The following RPS6KA6 variants were observed in gnomAD, a reference collection of about 807,000 sequenced individuals.
RPS6KA6 encodes the protein ribosomal protein S6 kinase A6, also known as ribosomal protein S6 kinase alpha-6.
A neutral mutation model predicts 65.4 loss-of-function variants in RPS6KA6; 27 were observed. The ratio of observed to expected loss-of-function variants is 0.41; its 90% confidence interval spans 0.30 to 0.57. RPS6KA6 has a LOEUF of 0.57. Ranked by LOEUF, RPS6KA6 falls within the 20% of genes least tolerant of loss-of-function variation. The pLI, the probability that RPS6KA6 is intolerant of heterozygous loss-of-function variation, is 0.24. For missense variants in RPS6KA6, 486 were observed against 555.6 expected (o/e 0.87, Z 1.26); for synonymous variants, 190 against 184.2 (o/e 1.03, Z -0.26).
At chrX:84,134,946 C>T (rs909599058) in intron 7 of RPS6KA6, 127 bp from the exon 8 acceptor site, 14 of 601,479 alleles carry the variant, frequency 2.3e-5, no homozygotes, top group Non-Finnish European at 3.6e-5. Context: ...AAATGATTAA[C>T]TTAAAGTCAA....
At chrX:84,092,284 T>C (rs1355144461) in intron 20 of RPS6KA6, among the ~76,000 whole-genome samples, 1 of 110,812 alleles carries the variant, frequency 9.0e-6, no homozygotes, top group Non-Finnish European at 1.9e-5. Context: ...AGGTGCTACA[T>C]GAACAGGTGC....
At chrX:84,122,367 T>C (rs2034689738) in intron 8 of RPS6KA6, among the ~76,000 whole-genome samples, 3 of 86,639 alleles carry the variant, frequency 3.5e-5, no homozygotes, top group Non-Finnish European at 6.8e-5. Flanking sequence ...TTAAGTTTTT[T>C]TTTTTTTTTT....
chrX:84,151,693 A>G (rs904106319), intron 3 of RPS6KA6, among the ~76,000 whole-genome samples: 1 of 111,438 alleles, frequency 9.0e-6, no homozygotes, highest in Non-Finnish European at 1.9e-5. Context: ...TGTACTTCCT[A>G]TTTCATCGCA....
At chrX:84,081,777 A>C (rs1017760907) in intron 20 of RPS6KA6, among the ~76,000 whole-genome samples, 34 of 112,111 alleles carry the variant, frequency 3.0e-4, no homozygotes, top group African/African-American at 1.0e-3. Flanking sequence ...CCTGGGATGT[A>C]AGGTTGGTTC....
At chrX:84,125,747 G>T (rs1374765853) in intron 8 of RPS6KA6, among the ~76,000 whole-genome samples, 6 of 110,680 alleles carry the variant, frequency 5.4e-5, no homozygotes, top group Non-Finnish European at 1.1e-4. Context: ...CCAGCTACTT[G>T]GGAGGCTGAG....
At chrX:84,091,527 A>C (rs1336931281) in intron 20 of RPS6KA6, among the ~76,000 whole-genome samples, 2 of 112,312 alleles carry the variant, frequency 1.8e-5, no homozygotes, top group Non-Finnish European at 3.8e-5. Flanking sequence ...AGTAGAGGAA[A>C]AGTAGAAGAA....
chrX:84,186,043 C>T, intron 1 of RPS6KA6: 1 of 510,936 alleles, frequency 2.0e-6, no homozygotes, highest in Non-Finnish European at 3.5e-6. Flanking sequence ...GGCAGAAATA[C>T]TATCTTCACC....
chrX:84,082,958 A>G (rs1189515219), intron 20 of RPS6KA6, among the ~76,000 whole-genome samples: 1 of 112,538 alleles, frequency 8.9e-6, no homozygotes, highest in Non-Finnish European at 1.9e-5. Context: ...AAGATGGATT[A>G]AAGACTTAAA....
chrX:84,077,586 C>CAT (rs368771762), intron 20 of RPS6KA6, among the ~76,000 whole-genome samples: 35 of 110,607 alleles, frequency 3.2e-4, no homozygotes, highest in Non-Finnish European at 4.6e-4. Flanking sequence ...TATGTTGTAC[C>CAT]ATATATATAT....
chrX:84,147,907 A>G, intron 4 of RPS6KA6, 135 bp downstream of exon 4: 1 of 385,365 alleles, frequency 2.6e-6, no homozygotes, highest in Non-Finnish European at 4.5e-6. Flanking sequence ...AATATTACCT[A>G]CAGGTTAGAA....
intron 1 of RPS6KA6, among the ~76,000 whole-genome samples, chrX:84,176,660 G>A: frequency 9.4e-6 from 1 of 105,897 alleles, no homozygotes; most frequent in East Asian, 4.1e-4. Flanking sequence ...CATTTTATAT[G>A]TGAAGAAACT....
intron 12 of RPS6KA6, among the ~76,000 whole-genome samples, chrX:84,113,529 A>G (rs991907903): frequency 4.4e-5 from 5 of 112,494 alleles, no homozygotes; most frequent in Non-Finnish European, 9.4e-5. Context: ...CAATAAATGT[A>G]AATCACCACA....
chrX:84,083,690 A>T (rs2033854704), intron 20 of RPS6KA6, among the ~76,000 whole-genome samples: 1 of 112,149 alleles, frequency 8.9e-6, no homozygotes, highest in Non-Finnish European at 1.9e-5. Flanking sequence ...ATATGTACGC[A>T]TGTATCTTTA....
intron 20 of RPS6KA6, among the ~76,000 whole-genome samples, chrX:84,069,216 A>AT (rs2033476003): frequency 9.0e-6 from 1 of 111,716 alleles, no homozygotes; most frequent in Non-Finnish European, 1.9e-5. Context: ...CAAAACCAAT[A>AT]TATAGACCGA....
chrX:84,177,328 G>A (rs1405806556), intron 1 of RPS6KA6, among the ~76,000 whole-genome samples: 1 of 111,236 alleles, frequency 9.0e-6, no homozygotes, highest in African/African-American at 3.3e-5. Context: ...AACATTTACT[G>A]AGTGCTTACA....
intron 8 of RPS6KA6, among the ~76,000 whole-genome samples, 199 bp from the exon 9 acceptor site, chrX:84,120,226 C>T (rs1329393922): frequency 1.8e-5 from 2 of 111,145 alleles, no homozygotes; most frequent in Admixed American, 1.9e-4. Context: ...TTTAAAGATC[C>T]TTCCATGAAA....
chrX:84,166,565 G>A (rs1291096357), intron 1 of RPS6KA6, among the ~76,000 whole-genome samples: 12 of 111,329 alleles, frequency 1.1e-4, no homozygotes. Context: ...TGAAAATGAT[G>A]AAAAATAAAC....
chrX:84,133,585 C>A (rs2034941017), intron 8 of RPS6KA6, among the ~76,000 whole-genome samples: 1 of 110,901 alleles, frequency 9.0e-6, no homozygotes, highest in Admixed American at 9.7e-5. Flanking sequence ...ACGTAATTAA[C>A]CTTAATGTAG....
Position 84,145,561 on chromosome X carries a change from A to G in RPS6KA6, c.422-4T>C, listed in dbSNP as rs1602456453. On this transcript the variant is annotated splice_region_variant and splice_polypyrimidine_tract_variant and intron_variant, in intron 5 of 21. Transcript: ENST00000262752. Reference sequence around the variant, plus strand: ...AGTTTCCCTTCAGTCTGAAAGGCTAATTAAAAATTAGAATATAGTAACAGG... The same window carrying G: ...AGTTTCCCTTCAGTCTGAAAGGCTAGTTAAAAATTAGAATATAGTAACAGG... The G allele has an allele frequency of 1.9e-6, 2 of 1,045,187 alleles. No individual in the cohort carries two copies. Among genetic ancestry groups the G allele is most frequent in the East Asian group, 3.2e-5 (1 of 31,261 alleles). 86.1% of individuals were successfully genotyped at this position (1,045,187 alleles called of 1,213,427 possible).
Sources: allele counts gnomAD v4.1 joint callset (sites outside exome capture counted in the v4.1 genomes callset), GRCh38; gene constraint gnomAD v4.1.1; transcripts MANE v1.5; gene names NCBI Gene and HGNC (gene_info 2026-07-23, HGNC 2026-07-21).